The following DSEL variants were observed in gnomAD, a reference collection of about 807,000 sequenced individuals.
DSEL encodes the protein dermatan sulfate epimerase like.
In DSEL, 61 loss-of-function variants were observed where a neutral mutation model predicts 96.6. That is an observed-to-expected ratio of 0.63 (90% confidence interval 0.51 to 0.78). DSEL has a LOEUF of 0.78. Ranked by LOEUF, DSEL falls within the 30% of genes least tolerant of loss-of-function variation. The probability of loss-of-function intolerance (pLI) is 0.00; values close to 1 mark genes in which losing one functional copy is unlikely to be tolerated. For missense variants in DSEL, 1,320 were observed against 1,430.8 expected, an observed-to-expected ratio of 0.92 and a Z score of 1.25; for synonymous variants, 514 against 502.0, an observed-to-expected ratio of 1.02 and a Z score of -0.32.
rs1003828991 is a variant in DSEL, at chr18:67,514,600, T to G, written c.9A>C (p.Leu3Phe). ...AGAATAGTAAATGTCCTGTAAACAT[T>G]AACGCCATGATCCATGGGGGAGCTC... is the stretch of plus-strand genomic sequence containing the variant. MA[L>F]MFTGHLLFLA... is the part of the protein sequence containing the mutation. The change falls in exon 2 of 2, where the codon TTA (leucine) becomes TTC (phenylalanine). Residue 3 changes from leucine (L) to phenylalanine (F), a missense_variant. This residue lies in a region of DSEL where 323 missense variants were observed against 333.1 expected (regional missense o/e 0.97). Transcript: ENST00000310045. 2.5e-6 allele frequency: 4 copies of G among 1,614,004 alleles called. No individual in the cohort carries two copies. The highest frequency in any genetic ancestry group is 3.4e-6 in the Non-Finnish European group (4 of 1,179,968).
At position 67,511,985 on chromosome 18, in the gene DSEL, C is replaced by G; in HGVS notation, c.2624G>C (p.Ser875Thr). The G allele has an allele frequency of 6.2e-7, 1 of 1,614,070 alleles. No individual in the cohort carries two copies. The highest frequency in any genetic ancestry group is 8.5e-7 in the Non-Finnish European group (1 of 1,180,014). ...AACCCTGATGTAGAGAAAATCACTA[C>G]TGTTGAAAAAAAGTTGTTTGAGAAT... is the stretch of plus-strand genomic sequence containing the variant. ...AEILKQLFFN[S>T]SDFLYIRVPT... Residue 875 changes from serine (S) to threonine (T), a missense_variant, in exon 2 of 2, where the codon AGT (serine) becomes ACT (threonine). Coordinates refer to ENST00000310045, the MANE Select transcript of DSEL (RefSeq NM_032160.3).
In DSEL at chr18:67,510,922, G is replaced by T; in HGVS notation, c.*48C>A. The T allele has an allele frequency of 2.7e-6, 4 of 1,459,176 alleles. No individual in the cohort carries two copies. Among genetic ancestry groups the T allele is most frequent in the Non-Finnish European group, 3.7e-6 (4 of 1,081,982 alleles). 90.4% of individuals were successfully genotyped at this position (1,459,176 alleles called of 1,614,324 possible). ...AACTCTTCTGATTCATATCCACAAA[G>T]TGGGTTGGTAAGTATTATTAGTGCA... On this transcript the variant is annotated 3_prime_UTR_variant, in exon 2 of 2. Coordinates refer to ENST00000310045, the MANE Select transcript of DSEL (RefSeq NM_032160.3).
rs756430075 is a variant in DSEL, at chr18:67,512,855, TCAA to T, written c.1751_1753del (p.Val584del). 1.2e-6 allele frequency: 2 copies of T among 1,614,086 alleles called. No homozygotes were observed. Among genetic ancestry groups the T allele is most frequent in the South Asian group, 1.1e-5 (1 of 91,084 alleles). On this transcript the variant is annotated inframe_deletion, in exon 2 of 2. Transcript: ENST00000310045. ...GGAATCTTCTTGCCTCTCAATATGA[TCAA>T]CAACTAGCAGAGTTTGGGAATTTAA... is the stretch of plus-strand genomic sequence containing the variant.
Position 67,512,107 on chromosome 18 carries a change from T to C in DSEL, c.2502A>G (p.Thr834=). ...SQPICAKWTR[T]EAEGSKKSLS... is the part of the protein sequence containing the mutation. The stretch of plus-strand genomic sequence containing the variant: ...AAGACTTCTTGCTTCCCTCAGCCTC[T>C]GTCCTTGTCCATTTTGCACAAATGG... The change falls in exon 2 of 2, where the codon ACA becomes ACG. Residue 834 remains threonine, a synonymous_variant. Coordinates refer to ENST00000310045, the MANE Select transcript of DSEL (RefSeq NM_032160.3). 1 of 1,614,206 alleles carries C rather than the reference T, an allele frequency of 6.2e-7. No individual in the cohort carries two copies. Among genetic ancestry groups the C allele is most frequent in the Non-Finnish European group, 8.5e-7 (1 of 1,180,038 alleles).
chr18:67,513,618 C>T lies in DSEL; in HGVS notation c.991G>A (p.Asp331Asn). Residue 331 changes from aspartate (D) to asparagine (N), a missense_variant, in exon 2 of 2, where the codon GAT (aspartate) becomes AAT (asparagine). Asp to Asn is a conservative substitution (Grantham distance 23). Coordinates refer to ENST00000310045, the MANE Select transcript of DSEL (RefSeq NM_032160.3). Reference sequence around the variant, plus strand: ...CCATAAAACCAATTATAATTGGAATCTGCTATACCCACAGTTCTTTGGAAG... The same window carrying T: ...CCATAAAACCAATTATAATTGGAATTTGCTATACCCACAGTTCTTTGGAAG... ...PGFQRTVGIA[D>N]SNYNWFYGPE... The T allele has an allele frequency of 6.2e-7, 1 of 1,614,178 alleles. No homozygotes were observed. Among genetic ancestry groups the T allele is most frequent in the Non-Finnish European group, 8.5e-7 (1 of 1,180,034 alleles).
Position 67,511,849 on chromosome 18 carries a change from T to C in DSEL, c.2760A>G (p.Arg920=). 6.2e-7 allele frequency: 1 copy of C among 1,614,180 alleles called. No homozygotes were observed. The highest frequency in any genetic ancestry group is 8.5e-7 in the Non-Finnish European group (1 of 1,180,034). Residue 920 remains arginine (R), a synonymous_variant, in exon 2 of 2, where the codon CGA becomes CGG. Coordinates refer to ENST00000310045, the MANE Select transcript of DSEL (RefSeq NM_032160.3). ...DIRSGHFRLL[R]GWLQSLVQDT... Reference sequence around the variant, plus strand: ...CCTGGACTAAAGACTGCAACCAGCCTCGGAGTAAACGAAAATGCCCACTGC... The same window carrying C: ...CCTGGACTAAAGACTGCAACCAGCCCCGGAGTAAACGAAAATGCCCACTGC...
chr18:67,514,698 A>C lies in DSEL; in HGVS notation c.-90T>G. The stretch of plus-strand genomic sequence containing the variant: ...CTGGTTAGTATAAAACATACAGTAA[A>C]GGCCTTGATAAGACAAAGACTGTAA... On this transcript the variant is annotated 5_prime_UTR_variant, in exon 2 of 2. Coordinates refer to ENST00000310045, the MANE Select transcript of DSEL (RefSeq NM_032160.3). The C allele has an allele frequency of 7.2e-7, 1 of 1,382,666 alleles. No homozygotes were observed. The highest frequency in any genetic ancestry group is 1.4e-5 in the South Asian group (1 of 73,116). 85.6% of individuals were successfully genotyped at this position (1,382,666 alleles called of 1,614,324 possible). A position where few individuals can be genotyped will look rare whatever the true frequency, so the allele number is the denominator to read the frequency against.
rs1219658436 is a variant in DSEL, at chr18:67,514,675, G to A, written c.-67C>T. The A allele has an allele frequency of 5.8e-6, 9 of 1,556,156 alleles. No individual in the cohort carries two copies. The highest frequency in any genetic ancestry group is 7.0e-6 in the Non-Finnish European group (8 of 1,144,136). On this transcript the variant is annotated 5_prime_UTR_variant, in exon 2 of 2. The change creates a premature stop within an existing upstream ORF in the 5' untranslated region. Transcript: ENST00000310045. ...ATGATGCTCAATGTGTTTCCCATCTGGTTAGTATAAAACATACAGTAAAGG... is the reference window on the plus strand; with the variant it reads ...ATGATGCTCAATGTGTTTCCCATCTAGTTAGTATAAAACATACAGTAAAGG...
In DSEL at chr18:67,514,707, T is replaced by A. The variant is rs912530842; in HGVS notation, c.-99A>T. 1.3e-4 allele frequency: 172 copies of A among 1,313,200 alleles called. 1 individual carries two copies. In the South Asian group the frequency reaches 1.8e-3, roughly 13 times the overall value. The allele number at this position is 1,313,200 out of a possible 1,614,324, so 81.3% of individuals were successfully genotyped here. A position where few individuals can be genotyped will look rare whatever the true frequency, so the allele number is the denominator to read the frequency against. On this transcript the variant is annotated 5_prime_UTR_variant, in exon 2 of 2. Coordinates refer to ENST00000310045, the MANE Select transcript of DSEL (RefSeq NM_032160.3). ...ATAAAACATACAGTAAAGGCCTTGA[T>A]AAGACAAAGACTGTAAATCTGATAT...
At position 67,513,714 on chromosome 18, in the gene DSEL, T is replaced by C; in HGVS notation, c.895A>G (p.Asn299Asp). The C allele has an allele frequency of 1.2e-6, 2 of 1,614,216 alleles. No individual in the cohort carries two copies. The highest frequency in any genetic ancestry group is 1.7e-6 in the Non-Finnish European group (2 of 1,180,040). Reference sequence around the variant, plus strand: ...CAGTTATTATCCAAGTTGTTGATATTAAAATGGCGCTGGGCCAGAAAAACA... The same window carrying C: ...CAGTTATTATCCAAGTTGTTGATATCAAAATGGCGCTGGGCCAGAAAAACA... The part of the protein sequence containing the change: ...QYVFLAQRHF[N>D]INNLDNNWLK... Residue 299 changes from asparagine to aspartate, a missense_variant, in exon 2 of 2, where the codon AAT becomes GAT. Asn to Asp is a conservative substitution (Grantham distance 23). Transcript: ENST00000310045.
In DSEL at chr18:67,513,212, C is replaced by T; in HGVS notation, c.1397G>A (p.Gly466Glu). 6.2e-7 allele frequency: 1 copy of T among 1,614,158 alleles called. No individual in the cohort carries two copies. Among genetic ancestry groups the T allele is most frequent in the South Asian group, 1.1e-5 (1 of 91,082 alleles). The change falls in exon 2 of 2, where the codon GGA (glycine) becomes GAA (glutamate). Residue 466 changes from glycine to glutamate, a missense_variant. Gly to Glu is a moderately conservative substitution (Grantham distance 98). This residue lies in a region of DSEL where 986 missense variants were observed against 1,066.4 expected (regional missense o/e 0.92). Transcript: ENST00000310045. ...TGAGTTCTGATCTGGATGCTCATGT[C>T]CTGGGTTAAAACTTCTCCACCCATC... is the stretch of plus-strand genomic sequence containing the variant. ...WIDGWRSFNP[G>E]HEHPDQNSFT...
Position 67,508,148 on chromosome 18 carries a change from G to C in DSEL, c.*2822C>G, listed in dbSNP as rs1362757569. Reference sequence around the variant, plus strand: ...ACGGATTTTACAGATAAGAAATTTTGTAAGTGTTTCTTTCAGAAGTATCAG... The same window carrying C: ...ACGGATTTTACAGATAAGAAATTTTCTAAGTGTTTCTTTCAGAAGTATCAG... On this transcript the variant is annotated 3_prime_UTR_variant, in exon 2 of 2. Coordinates refer to ENST00000310045, the MANE Select transcript of DSEL (RefSeq NM_032160.3). 2 of 151,112 alleles carry C rather than the reference G, an allele frequency of 1.3e-5. No individual in the cohort carries two copies. Among genetic ancestry groups the C allele is most frequent in the Non-Finnish European group, 2.9e-5 (2 of 67,998 alleles). The allele number at this position is 151,112 out of a possible 1,614,324, so 9.4% of individuals were successfully genotyped here. A position where few individuals can be genotyped will look rare whatever the true frequency, so the allele number is the denominator to read the frequency against.
Position 67,514,195 on chromosome 18 carries a change from G to A in DSEL, c.414C>T (p.Asp138=), listed in dbSNP as rs1329435239. The change falls in exon 2 of 2, where the codon GAC becomes GAT. Residue 138 remains aspartate (D), a synonymous_variant. Transcript: ENST00000310045. The stretch of plus-strand genomic sequence containing the variant: ...CCAAGACAAATTCAAAGGCAACTTT[G>A]TCTTCTGGGCATAACAAACAGTACA... ...LALYCLLCPE[D]KVAFEFVLEY... is the part of the protein sequence containing the mutation. The A allele has an allele frequency of 4.3e-6, 7 of 1,614,054 alleles. No individual in the cohort carries two copies. The highest frequency in any genetic ancestry group is 5.9e-6 in the Non-Finnish European group (7 of 1,180,046).
Position 67,510,417 on chromosome 18 carries a change from T to A in DSEL, c.*553A>T, listed in dbSNP as rs1211575779. On this transcript the variant is annotated 3_prime_UTR_variant, in exon 2 of 2. Coordinates refer to ENST00000310045, the MANE Select transcript of DSEL (RefSeq NM_032160.3). ...TCTGTATTTCCCAGAAGAAATCCTA[T>A]AGTTCTGATAGGAGCTTTCACCATT... 1.3e-5 allele frequency: 2 copies of A among 152,526 alleles called. No individual in the cohort carries two copies. The highest frequency in any genetic ancestry group is 2.9e-5 in the Non-Finnish European group (2 of 68,070). The allele number at this position is 152,526 out of a possible 1,614,324, so 9.4% of individuals were successfully genotyped here. A position where few individuals can be genotyped will look rare whatever the true frequency, so the allele number is the denominator to read the frequency against.
chr18:67,512,875 G>A lies in DSEL; in HGVS notation c.1734C>T (p.Ser578=). Residue 578 remains serine (S), a synonymous_variant, in exon 2 of 2, where the codon TCC becomes TCT. Coordinates refer to ENST00000310045, the MANE Select transcript of DSEL (RefSeq NM_032160.3). The part of the protein sequence containing the change: ...SVYRALLLLN[S]QTLLVVDHIE... ...TATGATCAACAACTAGCAGAGTTTG[G>A]GAATTTAAGAGAAGCAAAGCACGAT... is the stretch of plus-strand genomic sequence containing the variant. 1 of 1,614,042 alleles carries A rather than the reference G, an allele frequency of 6.2e-7. No homozygotes were observed. Among genetic ancestry groups the A allele is most frequent in the Non-Finnish European group, 8.5e-7 (1 of 1,180,034 alleles).
At position 67,513,672 on chromosome 18, in the gene DSEL, A is replaced by G. The variant is rs2089458011; in HGVS notation, c.937T>C (p.Trp313Arg). ...LDNNWLKMHF[W>R]FYYATLLPGF... ...GGTAAAAGGGTGGCATAATAGAACC[A>G]AAAGTGCATCTTTAACCAGTTATTA... Residue 313 changes from tryptophan to arginine, a missense_variant, in exon 2 of 2, where the codon TGG becomes CGG. Trp to Arg is a moderately radical substitution (Grantham distance 101). This residue lies in a region of DSEL where 986 missense variants were observed against 1,066.4 expected (regional missense o/e 0.92). Coordinates refer to ENST00000310045, the MANE Select transcript of DSEL (RefSeq NM_032160.3). 6.2e-7 allele frequency: 1 copy of G among 1,614,112 alleles called. No individual in the cohort carries two copies. Among genetic ancestry groups the G allele is most frequent in the African/African-American group, 1.3e-5 (1 of 74,942 alleles).
chr18:67,513,566 TC>T lies in DSEL; in HGVS notation c.1042del (p.Asp348IlefsTer5). The T allele has an allele frequency of 6.2e-7, 1 of 1,614,170 alleles. No individual in the cohort carries two copies. On this transcript the variant is annotated frameshift_variant, in exon 2 of 2. Transcript: ENST00000310045. LOFTEE classifies it high-confidence loss of function. ...AGCTCCATTCTTTAAGATGAACTTA[TC>T]CAAGAAAACTAGCTGGCTTTCTGGA... is the stretch of plus-strand genomic sequence containing the variant. ...YGPESQLVFL[D>X]KFILKNGAGN...
At position 67,512,564 on chromosome 18, in the gene DSEL, A is replaced by C; in HGVS notation, c.2045T>G (p.Phe682Cys). The C allele has an allele frequency of 4.3e-6, 7 of 1,614,190 alleles. No individual in the cohort carries two copies. Among genetic ancestry groups the C allele is most frequent in the Non-Finnish European group, 5.9e-6 (7 of 1,180,014 alleles). The change falls in exon 2 of 2, where the codon TTT (phenylalanine) becomes TGT (cysteine). Residue 682 changes from phenylalanine to cysteine, a missense_variant. Transcript: ENST00000310045. Reference sequence around the variant, plus strand: ...GGAGACATTGATATATGGCCCATAAAAGACATATGCAATTCTTGTGATTGT... The same window carrying C: ...GGAGACATTGATATATGGCCCATAACAGACATATGCAATTCTTGTGATTGT... ...EPTITRIAYV[F>C]YGPYINVSSC...
Position 67,507,362 on chromosome 18 carries a change from A to G in DSEL, c.*3608T>C, listed in dbSNP as rs2089416254. ...ACTCCATCCCAAAAAAAAAAAAAAA[A>G]AAAAAAAAAAGAATGTTAGGTATCC... On this transcript the variant is annotated 3_prime_UTR_variant, in exon 2 of 2. Coordinates refer to ENST00000310045, the MANE Select transcript of DSEL (RefSeq NM_032160.3). 1 of 151,596 alleles carries G rather than the reference A, an allele frequency of 6.6e-6. No homozygotes were observed. Among genetic ancestry groups the G allele is most frequent in the South Asian group, 2.1e-4 (1 of 4,796 alleles). 9.4% of individuals were successfully genotyped at this position (151,596 alleles called of 1,614,324 possible). A position where few individuals can be genotyped will look rare whatever the true frequency, so the allele number is the denominator to read the frequency against.
Sources: gnomAD v4.1 joint callset for allele counts on GRCh38, gnomAD v4.1.1 for gene constraint, gnomAD v4.1.1 regional missense constraint, MANE v1.5 for transcripts, NCBI Gene and HGNC (gene_info 2026-07-23, HGNC 2026-07-21) for gene names.